The following MMP12 variants were observed in gnomAD, a reference collection of about 807,000 sequenced individuals.
MMP12 encodes the protein macrophage metalloelastase.
A neutral mutation model predicts 45.2 loss-of-function variants in MMP12; 51 were observed. That is an observed-to-expected ratio of 1.13 (90% CI 0.90 to 1.42). The LOEUF (loss-of-function observed/expected upper bound fraction) is 1.42. Ranked by LOEUF, MMP12 falls within the 40% of genes most tolerant of loss-of-function variation. The probability of loss-of-function intolerance (pLI) is 0.00; values close to 1 mark genes in which losing one functional copy is unlikely to be tolerated. For missense variants in MMP12, 530 were observed against 570.8 expected (o/e 0.93, Z 0.73); for synonymous variants, 210 against 193.3 (o/e 1.09, Z -0.72).
In MMP12 at chr11:102,869,943, C is replaced by T. The variant is rs868909217; in HGVS notation, c.625+1651G>A. On this transcript the variant is annotated intron_variant, in intron 4 of 9. Coordinates refer to ENST00000571244, the MANE Select transcript of MMP12 (RefSeq NM_002426.6). ...CAAAAAAAGCAAATAACAGCAACAACAACAACAACAAAAACGGCTGAAAAT... is the reference window on the plus strand; with the variant it reads ...CAAAAAAAGCAAATAACAGCAACAATAACAACAACAAAAACGGCTGAAAAT... Among the ~76,000 whole-genome samples the T allele has an allele frequency of 3.3e-5, 5 of 152,148 alleles. No individual in the cohort carries two copies. In the Middle Eastern group the frequency reaches 0.014, roughly 414 times the overall value.
Position 102,871,850 on chromosome 11 carries a change from C to A in MMP12, c.453G>T (p.Lys151Asn). 6.2e-7 allele frequency: 1 copy of A among 1,613,560 alleles called. No homozygotes were observed. The highest frequency in any genetic ancestry group is 2.2e-5 in the East Asian group (1 of 44,872). The change falls in exon 3 of 10, where the codon AAG becomes AAT. Residue 151 changes from lysine (K) to asparagine (N), a missense_variant. Coordinates refer to ENST00000571244, the MANE Select transcript of MMP12 (RefSeq NM_002426.6). Reference protein sequence around the residue: ...WSNVTPLKFSKINTGMADILV... With the variant: ...WSNVTPLKFSNINTGMADILV... The stretch of plus-strand genomic sequence containing the variant: ...AAATGTCAGCCATGCCTGTGTTAAT[C>A]TTGCTGAATTTCAAGGGGGTAACAT...
chr11:102,874,529 G>A (rs1859559516), intron 1 of MMP12, among the ~76,000 whole-genome samples: 1 of 152,188 alleles, frequency 6.6e-6, no homozygotes, highest in South Asian at 2.1e-4. Flanking sequence ...TTAATGATTA[G>A]TGTAAAATAC....
At chr11:102,872,360 AG>A (rs1859514810) in intron 2 of MMP12, among the ~76,000 whole-genome samples, 1 of 149,168 alleles carries the variant, frequency 6.7e-6, no homozygotes, top group African/African-American at 2.5e-5. Flanking sequence ...TTTTTTTTTG[AG>A]ATGGAGTCTC....
intron 1 of MMP12, 43 bp from the exon 2 acceptor site, chr11:102,873,155 A>G (rs782568490): frequency 2.5e-6 from 4 of 1,574,746 alleles, no homozygotes; most frequent in South Asian, 1.2e-5. Context: ...GTACACACAG[A>G]AAATTTCTGT....
At chr11:102,872,502 A>G (rs1859518429) in intron 2 of MMP12, among the ~76,000 whole-genome samples, 2 of 151,980 alleles carry the variant, frequency 1.3e-5, no homozygotes, top group Non-Finnish European at 2.9e-5. Flanking sequence ...CACCACGCCC[A>G]GCTAATTTTT....
chr11:102,872,732 A>T, intron 2 of MMP12, 133 bp downstream of exon 2: 1 of 968,158 alleles, frequency 1.0e-6, no homozygotes, highest in Non-Finnish European at 1.5e-6. Context: ...AATGAATTTT[A>T]GCAGAGATAG....
chr11:102,870,537 A>G (rs1486683982), intron 4 of MMP12, among the ~76,000 whole-genome samples: 1 of 151,250 alleles, frequency 6.6e-6, no homozygotes, highest in African/African-American at 2.4e-5. Flanking sequence ...CTTTCTCCTC[A>G]TTTACTTTCC....
rs782536299 is a variant in MMP12 at position 102,872,888 on chromosome 11, C to T, written c.327G>A (p.Trp109Ter). The T allele has an allele frequency of 5.0e-6, 8 of 1,613,818 alleles. No homozygotes were observed. Among genetic ancestry groups the T allele is most frequent in the Middle Eastern group, 1.6e-4 (1 of 6,062 alleles). Residue 109 changes from tryptophan (W) to a stop codon, truncating the protein, a stop_gained, in exon 2 of 10, where the codon TGG (tryptophan) becomes TGA (stop). Transcript: ENST00000571244. LOFTEE classifies it high-confidence loss of function. The part of the protein sequence containing the change: ...HFREMPGGPV[W>*]RKHYITYRIN... Reference sequence around the variant, plus strand: ...ACCTGTAGGTGATATAATGTTTCCTCCATACGGGCCCCCCTGGCATTTCCC... The same window carrying T: ...ACCTGTAGGTGATATAATGTTTCCTTCATACGGGCCCCCCTGGCATTTCCC...
At chr11:102,868,820 A>T (rs1211892099) in intron 4 of MMP12, among the ~76,000 whole-genome samples, 2 of 152,226 alleles carry the variant, frequency 1.3e-5, no homozygotes, top group Admixed American at 1.3e-4. Context: ...AATATAAAAA[A>T]CAAAAAAGAG....
At chr11:102,872,842 A>G in intron 2 of MMP12, 23 bp downstream of exon 2, 1 of 1,609,932 alleles carries the variant, frequency 6.2e-7, no homozygotes, top group Non-Finnish European at 8.5e-7. Context: ...AGAAAAATAC[A>G]GGGCGACATA....
chr11:102,863,766 A>G (rs1332116270), intron 9 of MMP12, among the ~76,000 whole-genome samples: 2 of 152,182 alleles, frequency 1.3e-5, no homozygotes, highest in Non-Finnish European at 2.9e-5. Flanking sequence ...GGACTATAGG[A>G]AAGGTCAAGA....
At chr11:102,863,605 A>G (rs1368507177) in intron 9 of MMP12, among the ~76,000 whole-genome samples, 1 of 152,104 alleles carries the variant, frequency 6.6e-6, no homozygotes, top group African/African-American at 2.4e-5. Context: ...TGGAGGAAAC[A>G]ACACTGGGGA....
chr11:102,871,471 T>A, intron 4 of MMP12, 123 bp downstream of exon 4: 1 of 1,226,094 alleles, frequency 8.2e-7, no homozygotes, highest in South Asian at 1.6e-5. Context: ...AGATTTTCCA[T>A]CATATAATCA....
At position 102,870,424 on chromosome 11, in the gene MMP12, A is replaced by G. The variant is rs28381674; in HGVS notation, c.625+1170T>C. Among the ~76,000 whole-genome samples the G allele has an allele frequency of 4.6e-5, 7 of 152,362 alleles. No individual in the cohort carries two copies. In the East Asian group the frequency reaches 1.2e-3, roughly 25 times the overall value. ...CTTAGGCTATGTGTTAGACTAAAAC[A>G]AATAGTCTTTCTGGTGGACATAGTA... On this transcript the variant is annotated intron_variant, in intron 4 of 9. Coordinates refer to ENST00000571244, the MANE Select transcript of MMP12 (RefSeq NM_002426.6).
At position 102,862,771 on chromosome 11, in the gene MMP12, T is replaced by C. The variant is rs1215198967; in HGVS notation, c.*329A>G. ...AATTTTATTTGAGCCAAAATATATA[T>C]ACTTAATTTTAGTTATGCCAGAAGT... On this transcript the variant is annotated 3_prime_UTR_variant, in exon 10 of 10. Transcript: ENST00000571244. 1.2e-5 allele frequency: 2 copies of C among 165,814 alleles called. No homozygotes were observed. Among genetic ancestry groups the C allele is most frequent in the Non-Finnish European group, 2.6e-5 (2 of 77,428 alleles). The allele number at this position is 165,814 out of a possible 1,614,324, so 10.3% of individuals were successfully genotyped here.
chr11:102,866,353 T>C lies in MMP12; in HGVS notation c.1007A>G (p.Tyr336Cys). Residue 336 changes from tyrosine (Y) to cysteine (C), a missense_variant, in exon 7 of 10, where the codon TAT (tyrosine) becomes TGT (cysteine). By Grantham distance (194) the Tyr-to-Cys change is radical. Coordinates refer to ENST00000571244, the MANE Select transcript of MMP12 (RefSeq NM_002426.6). ...PTLPSGIEAA[Y>C]EIEARNQVFL... ...AACTTGATTTCTGGCTTCAATTTCA[T>C]AAGCAGCTTCAATGCCAGATGGCAA... is the stretch of plus-strand genomic sequence containing the variant. 4 of 1,597,564 alleles carry C rather than the reference T, an allele frequency of 2.5e-6. No individual in the cohort carries two copies. The South Asian group carries it at 4.6e-5, about 18-fold the overall frequency.
rs1859392581 is a variant in MMP12, at chr11:102,866,585, G to A, written c.912-137C>T. ...ACATTCTGTTCCATGGATGTCTGAT[G>A]TTCATGGATCCACAAGAAAAGGATA... On this transcript the variant is annotated intron_variant, in intron 6 of 9. Transcript: ENST00000571244. 32 of 866,698 alleles carry A rather than the reference G, an allele frequency of 3.7e-5. No individual in the cohort carries two copies. The South Asian group carries it at 4.5e-4, about 12-fold the overall frequency. The allele number at this position is 866,698 out of a possible 1,614,324, so 53.7% of individuals were successfully genotyped here.
intron 4 of MMP12, among the ~76,000 whole-genome samples, chr11:102,869,765 T>C (rs1233245490): frequency 2.0e-5 from 3 of 149,404 alleles, no homozygotes; most frequent in Admixed American, 6.7e-5. Context: ...AAAAAAAAAA[T>C]TAGCAGGGCG....
chr11:102,867,372 C>T lies in MMP12; in HGVS notation c.809G>A (p.Arg270His), dbSNP rs201082412. 389 of 1,609,394 alleles carry T rather than the reference C, an allele frequency of 2.4e-4. No homozygotes were observed. Among genetic ancestry groups the T allele is most frequent in the Non-Finnish European group, 1.9e-4 (220 of 1,178,276 alleles). Residue 270 changes from arginine (R) to histidine (H), a missense_variant, in exon 6 of 10, where the codon CGC becomes CAC. Transcript: ENST00000571244. ...TTCTGAATTGTCAGGATTTGGCAAG[C>T]GTTGGTTCTCTTTTGGGTCTCCTGA... ...SLYGDPKENQ[R>H]LPNPDNSEPA...
Sources: allele counts gnomAD v4.1 joint callset (sites outside exome capture counted in the v4.1 genomes callset), GRCh38; gene constraint gnomAD v4.1.1; transcripts MANE v1.5; gene names NCBI Gene and HGNC (gene_info 2026-07-23, HGNC 2026-07-21).